GON4L: variants seen among roughly 807,000 people sequenced by gnomAD.
GON4L encodes GON-4-like protein.
GON4L carries 87 observed loss-of-function variants against 211.8 expected under a neutral mutation model. The observed-to-expected ratio is 0.41, with a 90% CI of 0.35 to 0.49. The LOEUF is 0.49. Ranked by LOEUF, GON4L falls within the 20% of genes least tolerant of loss-of-function variation. GON4L has a pLI of 0.15. For synonymous variants in GON4L, 875 were observed against 962.6 expected (o/e 0.91, Z 1.68); for missense variants, 2,155 against 2,659.5 (o/e 0.81, Z 4.17).
At chr1:155,777,558 G>A in intron 15 of GON4L, 64 bp downstream of exon 15, 1 of 1,235,234 alleles carries the variant, frequency 8.1e-7, no homozygotes, top group Non-Finnish European at 1.2e-6. Flanking sequence ...CAGGCTGGGA[G>A]ACAGAGCCAG....
chr1:155,767,024 G>A (rs1662579335), intron 20 of GON4L: 3 of 550,268 alleles, frequency 5.5e-6, no homozygotes, highest in Non-Finnish European at 9.5e-6. Flanking sequence ...GGTGGACAGA[G>A]CAAGACTCTG....
intron 18 of GON4L, 59 bp from the exon 19 acceptor site, chr1:155,771,276 C>G: frequency 6.2e-7 from 1 of 1,603,330 alleles, no homozygotes; most frequent in Non-Finnish European, 8.5e-7. Flanking sequence ...AAAGGGTCTC[C>G]CCAGACTAAC....
rs1660406070 is a variant in GON4L, at chr1:155,749,769, T to C, written c.*815A>G. ...CCTATGGCTCCCAAGAAAAGCATTC[T>C]TCCTCTGGAGTACTGGTGTACTAAG... On this transcript the variant is annotated 3_prime_UTR_variant, in exon 32 of 32. Transcript: ENST00000368331. The C allele has an allele frequency of 1.6e-6, 1 of 618,558 alleles. No homozygotes were observed. Among genetic ancestry groups the C allele is most frequent in the Non-Finnish European group, 2.8e-6 (1 of 351,222 alleles). 38.3% of individuals were successfully genotyped at this position (618,558 alleles called of 1,614,324 possible). A position where few individuals can be genotyped will look rare whatever the true frequency, so the allele number is the denominator to read the frequency against.
At chr1:155,834,998 C>G (rs1412584307) in intron 2 of GON4L, among the ~76,000 whole-genome samples, 5 of 151,986 alleles carry the variant, frequency 3.3e-5, no homozygotes, top group African/African-American at 1.2e-4. Context: ...TCATTGAGAA[C>G]GGGCCATGAT....
In GON4L at chr1:155,752,312, A is replaced by G. The variant is rs543337997; in HGVS notation, c.6121T>C (p.Leu2041=). The G allele has an allele frequency of 1.1e-5, 18 of 1,592,352 alleles. No individual in the cohort carries two copies. The South Asian group carries it at 1.8e-4, about 16-fold the overall frequency. The change falls in exon 30 of 32, where the codon TTG becomes CTG. Residue 2041 remains leucine (L), a synonymous_variant. Transcript: ENST00000368331. ...GCAGGGGGTTCCACGGTACCAGGCA[A>G]TTTCTCAGTTTCTGATGCATCCCAG... ...LVWDASETEK[L]PGTVEPPASF...
At chr1:155,748,750 C>G (rs1660351757), downstream of GON4L, 21 of 1,614,180 alleles carry the variant, frequency 1.3e-5, no homozygotes, top group Non-Finnish European at 1.8e-5. Flanking sequence ...TTTGCCCAGT[C>G]AGTGGTGCTG....
intron 10 of GON4L, among the ~76,000 whole-genome samples, chr1:155,811,754 CAAAAA>C (rs145360103): frequency 3.3e-4 from 11 of 33,048 alleles, no homozygotes; most frequent in South Asian, 2.7e-3. Context: ...GACTCTGTCT[CAAAAA>C]AAAAAAAAAA....
chr1:155,787,687 C>A (rs561658163), intron 12 of GON4L, among the ~76,000 whole-genome samples: 1 of 152,134 alleles, frequency 6.6e-6, no homozygotes, highest in African/African-American at 2.4e-5. Context: ...GCAGGAGAAT[C>A]ACTTGAACCC....
At chr1:155,754,610 A>G in intron 27 of GON4L, 122 bp from the exon 28 acceptor site, 1 of 620,906 alleles carries the variant, frequency 1.6e-6, no homozygotes, top group East Asian at 2.7e-5. Context: ...GCTCACCGCA[A>G]CCTCTGCCTC....
chr1:155,773,091 T>A lies in GON4L; in HGVS notation c.2470A>T (p.Ile824Phe). The A allele has an allele frequency of 6.2e-7, 1 of 1,612,572 alleles. No homozygotes were observed. Among genetic ancestry groups the A allele is most frequent in the Non-Finnish European group, 8.5e-7 (1 of 1,179,896 alleles). ...TTGTCCTCAGCCTTGGTGAAGACGA[T>A]CTTATCCTGGGGATTCTTTGCCTTC... ...SLKAKNPQDKIVFTKAEDNLL... is the reference protein window; with the variant it reads ...SLKAKNPQDKFVFTKAEDNLL... Residue 824 changes from isoleucine to phenylalanine, a missense_variant, in exon 18 of 32, where the codon ATC becomes TTC. Coordinates refer to ENST00000368331, the MANE Select transcript of GON4L (RefSeq NM_001282860.2).
At chr1:155,758,391 TC>T (rs1340519770) in intron 24 of GON4L, among the ~76,000 whole-genome samples, 1 of 152,232 alleles carries the variant, frequency 6.6e-6, no homozygotes, top group Non-Finnish European at 1.5e-5. Flanking sequence ...ATAGCTGTAA[TC>T]CCATGTTGGG....
At chr1:155,802,298 A>C (rs1666740314) in intron 11 of GON4L, among the ~76,000 whole-genome samples, 1 of 113,750 alleles carries the variant, frequency 8.8e-6, no homozygotes, top group Admixed American at 1.1e-4. Flanking sequence ...GTATGTAGAT[A>C]TGTACATTTT....
At chr1:155,856,511 G>C (rs901386867) in intron 1 of GON4L, among the ~76,000 whole-genome samples, 5 of 151,638 alleles carry the variant, frequency 3.3e-5, no homozygotes, top group Admixed American at 6.6e-5. Flanking sequence ...GCTAGGATTA[G>C]AGGCGTGAGC....
chr1:155,820,568 C>A, intron 6 of GON4L, 38 bp downstream of exon 6: 2 of 1,435,344 alleles, frequency 1.4e-6, no homozygotes, highest in Non-Finnish European at 2.0e-6. Context: ...ATTCACCAAG[C>A]TAAAAAAAAA....
downstream of GON4L, chr1:155,747,776 G>T (rs1478113958): frequency 6.2e-7 from 1 of 1,613,760 alleles, no homozygotes; most frequent in East Asian, 2.2e-5. Flanking sequence ...TCCAGATCCT[G>T]TGTGACCTGC....
rs764745668 is a variant in GON4L at position 155,784,843 on chromosome 1, C to T, written c.1788+491G>A. On this transcript the variant is annotated intron_variant, in intron 13 of 31. Coordinates refer to ENST00000368331, the MANE Select transcript of GON4L (RefSeq NM_001282860.2). Reference sequence around the variant, plus strand: ...AAAAGTTTTCCAGGGGCCAGGCATGCTGGCTCACACCTATAATTCCAGCAC... The same window carrying T: ...AAAAGTTTTCCAGGGGCCAGGCATGTTGGCTCACACCTATAATTCCAGCAC... 8.9e-5 allele frequency: 20 copies of T among 225,592 alleles called. 1 individual carries two copies. The highest frequency in any genetic ancestry group is 1.6e-4 in the Non-Finnish European group (18 of 112,354). The allele number at this position is 225,592 out of a possible 1,614,324, so 14.0% of individuals were successfully genotyped here.
chr1:155,813,515 C>A, intron 10 of GON4L, 119 bp downstream of exon 10: 2 of 787,530 alleles, frequency 2.5e-6, no homozygotes, highest in Admixed American at 2.0e-5. Context: ...TACAAAGTAT[C>A]AAAGACTAAC....
intron 27 of GON4L, among the ~76,000 whole-genome samples, chr1:155,755,269 AT>A (rs1195232975): frequency 6.6e-6 from 1 of 151,948 alleles, no homozygotes; most frequent in African/African-American, 2.4e-5. Flanking sequence ...GGATTTCGCC[AT>A]GTTGACCAGG....
At chr1:155,844,888 AGT>A (rs1433202061) in intron 2 of GON4L, among the ~76,000 whole-genome samples, 3 of 152,180 alleles carry the variant, frequency 2.0e-5, no homozygotes, top group Non-Finnish European at 2.9e-5. Context: ...GCCTCCTTGT[AGT>A]GTGTGTCTTC....
Sources: gnomAD v4.1 joint callset for allele counts (sites outside exome capture counted in the v4.1 genomes callset) on GRCh38, gnomAD v4.1.1 for gene constraint, MANE v1.5 for transcripts, NCBI Gene and HGNC (gene_info 2026-07-23, HGNC 2026-07-21) for gene names.